Variants in GFPT2 observed in about 807,000 individuals in gnomAD.
The protein encoded by GFPT2 is glutamine--fructose-6-phosphate aminotransferase [isomerizing] 2.
A neutral mutation model predicts 85.6 loss-of-function variants in GFPT2; 62 were observed. The ratio of observed to expected loss-of-function variants is 0.72; its 90% CI spans 0.59 to 0.90. The LOEUF (loss-of-function observed/expected upper bound fraction) is 0.90. Ranked by LOEUF, GFPT2 falls within the 40% of genes least tolerant of loss-of-function variation. GFPT2 has a pLI of 0.00. For synonymous variants in GFPT2, 368 were observed against 344.5 expected (o/e 1.07, Z -0.75); for missense variants, 788 against 893.4 (o/e 0.88, Z 1.50).
At chr5:180,302,718 G>T in intron 17 of GFPT2, 134 bp from the exon 18 acceptor site, 1 of 652,796 alleles carries the variant, frequency 1.5e-6, no homozygotes, top group Non-Finnish European at 2.6e-6. Flanking sequence ...TCATGGGTGA[G>T]GTGGTATGTG....
At position 180,330,996 on chromosome 5, in the gene GFPT2, A is replaced by G; in HGVS notation, c.400-162T>C. 1.6e-6 allele frequency: 1 copy of G among 631,514 alleles called. No individual in the cohort carries two copies. Among genetic ancestry groups the G allele is most frequent in the Non-Finnish European group, 2.7e-6 (1 of 366,794 alleles). The allele number at this position is 631,514 out of a possible 1,614,324, so 39.1% of individuals were successfully genotyped here. Reference sequence around the variant, plus strand: ...ATGTTTGCCAGCATCACAGCCAAATACCTCTGAGTCACTCCCGGAGGCCCT... The same window carrying G: ...ATGTTTGCCAGCATCACAGCCAAATGCCTCTGAGTCACTCCCGGAGGCCCT... On this transcript the variant is annotated intron_variant, in intron 5 of 18. Coordinates refer to ENST00000253778, the MANE Select transcript of GFPT2 (RefSeq NM_005110.4). This position sits in a 1 kb window ranked among gnomAD's most constrained non-coding sequence, Gnocchi z 4.4.
rs778086543 is a variant in GFPT2 at position 180,313,945 on chromosome 5, G to A, written c.1293C>T (p.Leu431=). The A allele has an allele frequency of 9.4e-6, 15 of 1,601,246 alleles. No individual in the cohort carries two copies. Among genetic ancestry groups the A allele is most frequent in the Non-Finnish European group, 1.3e-5 (15 of 1,178,732 alleles). Residue 431 remains leucine (L), a synonymous_variant, in exon 14 of 19, where the codon CTC becomes CTT. Transcript: ENST00000253778. Reference sequence around the variant, plus strand: ...GGTCCTTACAGTAGCGCAGCGCCAGGAGGGTGTCCGCGGTCTCGCCTGCCG... The same window carrying A: ...GGTCCTTACAGTAGCGCAGCGCCAGAAGGGTGTCCGCGGTCTCGCCTGCCG... ...ISQSGETADT[L]LALRYCKDRG... is the part of the protein sequence containing the mutation.
chr5:180,338,247 T>C (rs1764441043), intron 2 of GFPT2, among the ~76,000 whole-genome samples: 1 of 152,224 alleles, frequency 6.6e-6, no homozygotes, highest in South Asian at 2.1e-4. Flanking sequence ...CTTTGTACCC[T>C]TTCTGCTTCC....
At chr5:180,313,458 C>A (rs1444406520) in intron 14 of GFPT2, among the ~76,000 whole-genome samples, 1 of 132,040 alleles carries the variant, frequency 7.6e-6, no homozygotes, top group African/African-American at 2.8e-5. Context: ...GGGTGTGGGG[C>A]GGGTGCCTGT....
At position 180,302,587 on chromosome 5, in the gene GFPT2, A is replaced by G. The variant is rs758050464; in HGVS notation, c.1843-3T>C. Reference sequence around the variant, plus strand: ...GAGCACAGTATAATGGGGCGACCCTAGAGCAGAGAAATAGCATCATAAAAT... The same window carrying G: ...GAGCACAGTATAATGGGGCGACCCTGGAGCAGAGAAATAGCATCATAAAAT... On this transcript the variant is annotated splice_polypyrimidine_tract_variant and splice_region_variant and intron_variant, in intron 17 of 18. Coordinates refer to ENST00000253778, the MANE Select transcript of GFPT2 (RefSeq NM_005110.4). 10 of 1,607,822 alleles carry G rather than the reference A, an allele frequency of 6.2e-6. No individual in the cohort carries two copies. Among genetic ancestry groups the G allele is most frequent in the Non-Finnish European group, 8.5e-6 (10 of 1,175,344 alleles).
Position 180,338,346 on chromosome 5 carries a change from G to T in GFPT2, c.115+147C>A. Reference sequence around the variant, plus strand: ...TCCATAGTTTTCGAATTTCTTTAACGGACAAGTGTTATTTTTATATTGAAA... The same window carrying T: ...TCCATAGTTTTCGAATTTCTTTAACTGACAAGTGTTATTTTTATATTGAAA... On this transcript the variant is annotated intron_variant, in intron 2 of 18. Coordinates refer to ENST00000253778, the MANE Select transcript of GFPT2 (RefSeq NM_005110.4). 1.1e-5 allele frequency: 5 copies of T among 471,326 alleles called. No homozygotes were observed. The South Asian group carries it at 1.2e-4, about 11-fold the overall frequency. The allele number at this position is 471,326 out of a possible 1,614,324, so 29.2% of individuals were successfully genotyped here. A position where few individuals can be genotyped will look rare whatever the true frequency, so the allele number is the denominator to read the frequency against.
chr5:180,302,674 T>TTCTCATCACAGTAATGTA, intron 17 of GFPT2, 90 bp from the exon 18 acceptor site: 1 of 1,013,250 alleles, frequency 9.9e-7, no homozygotes, highest in Non-Finnish European at 1.5e-6. Context: ...TACATTACTG[T>TTCTCATCACAGTAATGTA]GATGAGAACA....
intron 9 of GFPT2, among the ~76,000 whole-genome samples, chr5:180,322,078 C>T (rs1014919313): frequency 1.7e-4 from 26 of 152,210 alleles, no homozygotes; most frequent in African/African-American, 2.4e-4. Context: ...TGAGCCACCA[C>T]GCCCGGCCTG....
chr5:180,307,731 G>C (rs1763808054), intron 15 of GFPT2, among the ~76,000 whole-genome samples: 1 of 152,210 alleles, frequency 6.6e-6, no homozygotes, highest in African/African-American at 2.4e-5. Flanking sequence ...TTACACTCTT[G>C]AAAATTATTG....
At chr5:180,338,263 G>T (rs1764441206) in intron 2 of GFPT2, among the ~76,000 whole-genome samples, 1 of 152,052 alleles carries the variant, frequency 6.6e-6, no homozygotes, top group Non-Finnish European at 1.5e-5. Flanking sequence ...CTTCCTGATG[G>T]GGGGACTTCT....
At chr5:180,336,075 C>T (rs1234382901) in intron 3 of GFPT2, 122 bp from the exon 4 acceptor site, 23 of 945,826 alleles carry the variant, frequency 2.4e-5, no homozygotes, top group Non-Finnish European at 1.3e-5. Context: ...TCCCCACCAG[C>T]TCCCACCCTG....
Position 180,318,913 on chromosome 5 carries a change from C to A in GFPT2, c.838G>T (p.Asp280Tyr). The change falls in exon 10 of 19, where the codon GAT becomes TAT. Residue 280 changes from aspartate to tyrosine, a missense_variant. Transcript: ENST00000253778. This position sits in a 1 kb window ranked among gnomAD's most constrained non-coding sequence, Gnocchi z 4.2. ...CCATCAGCCACTGCGGCGATGTCAT[C>A]GTCCTCCAGGAAGATGACCCGGTTG... ...HTNRVIFLED[D>Y]DIAAVADGKL... 6.2e-7 allele frequency: 1 copy of A among 1,613,726 alleles called. No individual in the cohort carries two copies. The highest frequency in any genetic ancestry group is 8.5e-7 in the Non-Finnish European group (1 of 1,180,016).
intron 9 of GFPT2, among the ~76,000 whole-genome samples, chr5:180,319,310 T>C (rs1764074897): frequency 6.6e-6 from 1 of 152,230 alleles, no homozygotes; most frequent in Non-Finnish European, 1.5e-5. Flanking sequence ...ATATCTCCAA[T>C]AATCTCACGG....
chr5:180,301,468 T>G lies in GFPT2; in HGVS notation c.*96A>C. 9.5e-7 allele frequency: 1 copy of G among 1,055,180 alleles called. No individual in the cohort carries two copies. The highest frequency in any genetic ancestry group is 1.7e-5 in the Admixed American group (1 of 58,178). 65.4% of individuals were successfully genotyped at this position (1,055,180 alleles called of 1,614,324 possible). A position where few individuals can be genotyped will look rare whatever the true frequency, so the allele number is the denominator to read the frequency against. ...GCTCTACAGGAGCACGCAGAACATG[T>G]GGGATGTCCACTTCTCTTCCCATGT... On this transcript the variant is annotated 3_prime_UTR_variant, in exon 19 of 19. Transcript: ENST00000253778.
chr5:180,348,221 C>T (rs62404959), intron 1 of GFPT2, among the ~76,000 whole-genome samples: 33,672 of 152,222 alleles, frequency 0.22, 3,821 homozygotes, highest in Middle Eastern at 0.28. Context: ...CAGAAGAGTA[C>T]GGCCAGTTGA....
chr5:180,307,094 GC>G (rs1763795476), intron 16 of GFPT2, 81 bp downstream of exon 16: 2 of 1,205,744 alleles, frequency 1.7e-6, no homozygotes, highest in African/African-American at 3.0e-5. Flanking sequence ...CAAGCCCAAC[GC>G]CCTGCCCTCC....
At position 180,336,525 on chromosome 5, in the gene GFPT2, CA is replaced by C. The variant is rs1561882308; in HGVS notation, c.167del (p.Leu56ArgfsTer23). The C allele has an allele frequency of 3.1e-6, 5 of 1,612,002 alleles. No homozygotes were observed. Among genetic ancestry groups the C allele is most frequent in the Non-Finnish European group, 4.2e-6 (5 of 1,178,074 alleles). ...NHEVKERHIQLVKKRGKVKAL... is the reference protein window; with the variant it reads ...NHEVKERHIQXVKKRGKVKAL... ...CCTTGACTTTCCCCCTTTTCTTGAC[CA>C]GCTGAATGTGTCTTTCTTTGACTTC... On this transcript the variant is annotated frameshift_variant, in exon 3 of 19. Transcript: ENST00000253778. LOFTEE classifies it high-confidence loss of function.
chr5:180,353,104 C>G (rs555506371), intron 1 of GFPT2, 107 bp downstream of exon 1: 9,900 of 973,328 alleles, frequency 0.01, 51 homozygotes, highest in Middle Eastern at 0.023. Flanking sequence ...ATCGGCGCCC[C>G]CAGCCAGGTC....
intron 9 of GFPT2, among the ~76,000 whole-genome samples, chr5:180,322,652 C>T (rs765776027): frequency 6.6e-6 from 1 of 152,126 alleles, no homozygotes; most frequent in Non-Finnish European, 1.5e-5. Context: ...GTTCTAACAG[C>T]CTTTTGGCTG....
Sources: gnomAD v4.1 joint callset for allele counts (sites outside exome capture counted in the v4.1 genomes callset) on GRCh38, gnomAD v4.1.1 for gene constraint, Gnocchi (gnomAD v3.1) non-coding constraint, MANE v1.5 for transcripts, NCBI Gene and HGNC (gene_info 2026-07-23, HGNC 2026-07-21) for gene names.